Variants in LSAMP observed in about 807,000 individuals in gnomAD.
The protein encoded by LSAMP is limbic system associated membrane protein.
LSAMP carries 7 observed loss-of-function variants against 38.6 expected under a neutral mutation model. The ratio of observed to expected loss-of-function variants is 0.18; its 90% CI spans 0.10 to 0.34. LSAMP has a LOEUF of 0.34. Ranked by LOEUF, LSAMP falls within the 10% of genes least tolerant of loss-of-function variation. The pLI, the probability that LSAMP is intolerant of heterozygous loss-of-function variation, is 1.00. For missense variants in LSAMP, 313 were observed against 420.0 expected, an observed-to-expected ratio of 0.75 and a Z score of 2.23; for synonymous variants, 154 against 166.8, an observed-to-expected ratio of 0.92 and a Z score of 0.59.
At chr3:116,175,179 TA>T (rs1040688112) in intron 1 of LSAMP, among the ~76,000 whole-genome samples, 2 of 152,122 alleles carry the variant, frequency 1.3e-5, no homozygotes, top group Non-Finnish European at 2.9e-5. Flanking sequence ...CTATTCAAAA[TA>T]TTTTTTTAGA....
At chr3:116,173,413 C>A (rs1376913839) in intron 1 of LSAMP, among the ~76,000 whole-genome samples, 1 of 151,958 alleles carries the variant, frequency 6.6e-6, no homozygotes, top group Admixed American at 6.6e-5. Context: ...TTGGGGATAA[C>A]AAAGATCCAT....
At chr3:116,438,734 C>G (rs1050485860) in intron 1 of LSAMP, among the ~76,000 whole-genome samples, 3 of 152,154 alleles carry the variant, frequency 2.0e-5, no homozygotes, top group Admixed American at 6.5e-5. Flanking sequence ...TGTACCTTGT[C>G]TAACCCAAAT....
intron 1 of LSAMP, among the ~76,000 whole-genome samples, chr3:116,224,878 C>T (rs762987483): frequency 6.6e-6 from 1 of 152,184 alleles, no homozygotes; most frequent in Non-Finnish European, 1.5e-5. Context: ...ATGACCAGCA[C>T]CTAGAACAGT....
intron 1 of LSAMP, among the ~76,000 whole-genome samples, chr3:116,194,567 TC>T (rs1479346444): frequency 1.3e-5 from 2 of 152,106 alleles, no homozygotes; most frequent in African/African-American, 2.4e-5. Context: ...GCTAATTTTT[TC>T]GTGTTTTTTA....
chr3:116,031,538 C>CCTT (rs1940923203), intron 2 of LSAMP, among the ~76,000 whole-genome samples: 3 of 60,238 alleles, frequency 5.0e-5, no homozygotes, highest in African/African-American at 1.7e-4. Context: ...AGCCTAAATT[C>CCTT]TTTTTTTTTT....
At chr3:115,975,844 G>A (rs1034666316) in intron 3 of LSAMP, among the ~76,000 whole-genome samples, 5 of 151,950 alleles carry the variant, frequency 3.3e-5, no homozygotes, top group Non-Finnish European at 4.4e-5. Context: ...CATCCACACA[G>A]CCATTTTTAC....
At chr3:115,879,550 C>T (rs1936269769) in intron 3 of LSAMP, among the ~76,000 whole-genome samples, 1 of 152,146 alleles carries the variant, frequency 6.6e-6, no homozygotes, top group African/African-American at 2.4e-5. Flanking sequence ...GTCATTCACT[C>T]ATCCATCAAG....
chr3:116,064,214 G>A (rs114559744), intron 2 of LSAMP, among the ~76,000 whole-genome samples: 86 of 152,236 alleles, frequency 5.6e-4, no homozygotes, highest in Middle Eastern at 3.4e-3. Flanking sequence ...ATTTTGTACC[G>A]TTTTTCTTCT....
intron 1 of LSAMP, among the ~76,000 whole-genome samples, chr3:116,158,656 C>A (rs188470265): frequency 5.3e-5 from 8 of 152,080 alleles, no homozygotes; most frequent in Admixed American, 5.2e-4. Context: ...GGTGAAAGAC[C>A]TCTACAACAA....
chr3:116,059,920 C>A lies in LSAMP; in HGVS notation c.388+26404G>T, dbSNP rs567090103. On this transcript the variant is annotated intron_variant, in intron 2 of 6. Coordinates refer to ENST00000490035, the MANE Select transcript of LSAMP (RefSeq NM_002338.5). ...CTGCTGGAGGTAGGGCTGGCTTGTC[C>A]CCACCACTTGGAGTTCTCCCTGAGT... Among the ~76,000 whole-genome samples, 4 of 152,266 alleles carry A rather than the reference C, an allele frequency of 2.6e-5. No individual in the cohort carries two copies. The East Asian group carries it at 7.7e-4, about 29-fold the overall frequency.
At chr3:115,900,789 T>C (rs993173348) in intron 3 of LSAMP, among the ~76,000 whole-genome samples, 5 of 152,160 alleles carry the variant, frequency 3.3e-5, no homozygotes, top group Non-Finnish European at 7.4e-5. Flanking sequence ...CATTATTCGC[T>C]TTCAGGTACC....
At chr3:115,874,909 T>A (rs1359622085) in intron 3 of LSAMP, among the ~76,000 whole-genome samples, 8 of 145,808 alleles carry the variant, frequency 5.5e-5, no homozygotes, top group African/African-American at 2.0e-4. Flanking sequence ...GAAGGTACTT[T>A]AAAAAAAAAA....
intron 1 of LSAMP, among the ~76,000 whole-genome samples, chr3:116,338,579 TA>T (rs2047951863): frequency 4.6e-5 from 7 of 152,026 alleles, no homozygotes; most frequent in Admixed American, 4.6e-4. Flanking sequence ...TAGGTAGTGC[TA>T]AAATCCTTAC....
At chr3:116,030,418 G>T (rs893224432) in intron 2 of LSAMP, among the ~76,000 whole-genome samples, 1 of 152,136 alleles carries the variant, frequency 6.6e-6, no homozygotes, top group Non-Finnish European at 1.5e-5. Context: ...CAGCAAGTCA[G>T]CAACTTCTCT....
At chr3:116,206,913 A>C (rs1484618230) in intron 1 of LSAMP, among the ~76,000 whole-genome samples, 1 of 150,242 alleles carries the variant, frequency 6.7e-6, no homozygotes, top group South Asian at 2.1e-4. Context: ...GTAGATGTCT[A>C]TTAGGTCTGC....
intron 1 of LSAMP, among the ~76,000 whole-genome samples, chr3:116,129,220 A>T (rs1395861899): frequency 6.6e-6 from 1 of 152,216 alleles, no homozygotes; most frequent in Non-Finnish European, 1.5e-5. Context: ...GACTAGGTGC[A>T]CAATGTAATT....
At chr3:116,270,155 C>T (rs1001734069) in intron 1 of LSAMP, among the ~76,000 whole-genome samples, 3 of 152,028 alleles carry the variant, frequency 2.0e-5, no homozygotes, top group African/African-American at 7.2e-5. Flanking sequence ...CATTTTAGGT[C>T]AGATTTTTAT....
At chr3:115,822,583 C>G (rs1478460807) in intron 6 of LSAMP, among the ~76,000 whole-genome samples, 1 of 152,128 alleles carries the variant, frequency 6.6e-6, no homozygotes, top group Non-Finnish European at 1.5e-5. Context: ...TGGTCTCAAA[C>G]TCCCAACCTC....
intron 1 of LSAMP, among the ~76,000 whole-genome samples, chr3:116,252,373 G>T (rs1016229465): frequency 2.0e-5 from 3 of 152,176 alleles, no homozygotes; most frequent in African/African-American, 4.8e-5. Flanking sequence ...TGTAGACAAA[G>T]TGAGACTTTT....
Sources: allele counts gnomAD v4.1 joint callset (sites outside exome capture counted in the v4.1 genomes callset), GRCh38; gene constraint gnomAD v4.1.1; transcripts MANE v1.5; gene names NCBI Gene and HGNC (gene_info 2026-07-23, HGNC 2026-07-21).